RBFOX1: variants seen among roughly 807,000 people sequenced by gnomAD.
RBFOX1 encodes the protein RNA binding fox-1 homolog 1.
Under a neutral mutation model 57.7 loss-of-function variants are expected in RBFOX1, and 8 were observed. The observed-to-expected ratio is 0.14, with a 90% CI of 0.08 to 0.25. RBFOX1 has a LOEUF of 0.25. Among genes scored for constraint, RBFOX1 ranks in the 10% least tolerant of loss-of-function variants. The pLI, the probability that RBFOX1 is intolerant of heterozygous loss-of-function variation, is 1.00. For synonymous variants in RBFOX1, 326 were observed against 222.4 expected (o/e 1.47, Z -4.15); for missense variants, 611 against 548.5 (o/e 1.11, Z -1.14).
chr16:6,867,314 G>A, intron 3 of RBFOX1, among the ~76,000 whole-genome samples: 1 of 151,928 alleles, frequency 6.6e-6, no homozygotes, highest in Non-Finnish European at 1.5e-5. Flanking sequence ...GATCATTATT[G>A]GCTCTGATGA....
At chr16:6,286,735 G>C (rs1166228583) in intron 1 of RBFOX1, among the ~76,000 whole-genome samples, 1 of 152,086 alleles carries the variant, frequency 6.6e-6, no homozygotes, top group African/African-American at 2.4e-5. Context: ...TACTGCACAG[G>C]CTCACCTGGG....
At chr16:7,311,324 G>A (rs1201187199) in intron 4 of RBFOX1, among the ~76,000 whole-genome samples, 1 of 152,058 alleles carries the variant, frequency 6.6e-6, no homozygotes, top group East Asian at 1.9e-4. Context: ...GCATTCAGAA[G>A]GTTAGTGTGT....
chr16:5,876,993 G>A (rs746482918), intron 4 of RBFOX1, among the ~76,000 whole-genome samples: 2 of 152,218 alleles, frequency 1.3e-5, no homozygotes, highest in Admixed American at 6.5e-5. Flanking sequence ...CTAGAACGTG[G>A]TGAGTTAAAT....
chr16:7,439,067 G>A (rs1567172333), intron 4 of RBFOX1, among the ~76,000 whole-genome samples: 1 of 152,200 alleles, frequency 6.6e-6, no homozygotes, highest in Non-Finnish European at 1.5e-5. Context: ...CCAACGCAGA[G>A]TCTCTCTGTG....
chr16:6,427,281 A>G (rs1047985816), intron 2 of RBFOX1, among the ~76,000 whole-genome samples: 3 of 152,198 alleles, frequency 2.0e-5, no homozygotes, highest in African/African-American at 7.2e-5. Context: ...AAAGCCGTCC[A>G]GAGTATTTCT....
intron 4 of RBFOX1, among the ~76,000 whole-genome samples, chr16:7,485,257 C>G (rs945245535): frequency 5.3e-5 from 8 of 152,168 alleles, no homozygotes; most frequent in Non-Finnish European, 7.3e-5. Flanking sequence ...CACAGCTGCA[C>G]CCTCGCGTGT....
intron 2 of RBFOX1, among the ~76,000 whole-genome samples, chr16:6,477,088 G>T (rs1455679614): frequency 6.6e-6 from 1 of 152,114 alleles, no homozygotes; most frequent in African/African-American, 2.4e-5. Context: ...CACATTTCCA[G>T]GTTCTTCCTC....
intron 3 of RBFOX1, among the ~76,000 whole-genome samples, chr16:7,001,386 G>C (rs184685706): frequency 1.6e-5 from 2 of 121,512 alleles, no homozygotes; most frequent in Non-Finnish European, 3.2e-5. Flanking sequence ...GTATGTGTAT[G>C]TGTATGTGTA....
At chr16:7,400,548 T>C (rs1359577294) in intron 4 of RBFOX1, among the ~76,000 whole-genome samples, 1 of 152,190 alleles carries the variant, frequency 6.6e-6, no homozygotes, top group Non-Finnish European at 1.5e-5. Flanking sequence ...CCTTTCCGGA[T>C]TCTTCAAGAA....
At chr16:6,470,084 A>G (rs1159776034) in intron 2 of RBFOX1, among the ~76,000 whole-genome samples, 3 of 152,218 alleles carry the variant, frequency 2.0e-5, no homozygotes, top group South Asian at 2.1e-4. Flanking sequence ...TTCTTTAACC[A>G]GAATGCTTTG....
At chr16:6,459,309 C>T (rs1458994759) in intron 2 of RBFOX1, among the ~76,000 whole-genome samples, 1 of 152,196 alleles carries the variant, frequency 6.6e-6, no homozygotes, top group Non-Finnish European at 1.5e-5. Flanking sequence ...GCACTCCAGC[C>T]TGGGCGACAG....
chr16:6,410,502 G>A (rs1027516593), intron 2 of RBFOX1, among the ~76,000 whole-genome samples: 2 of 151,700 alleles, frequency 1.3e-5, no homozygotes, highest in Non-Finnish European at 2.9e-5. Flanking sequence ...TAGTAGAGAC[G>A]GGGTTTCACC....
At chr16:6,476,323 C>G (rs2095271357) in intron 2 of RBFOX1, among the ~76,000 whole-genome samples, 1 of 152,130 alleles carries the variant, frequency 6.6e-6, no homozygotes, top group Non-Finnish European at 1.5e-5. Context: ...AAATACACAT[C>G]TTGTACACTT....
At chr16:5,444,101 C>G (rs2068169495) in intron 1 of RBFOX1, among the ~76,000 whole-genome samples, 1 of 47,364 alleles carries the variant, frequency 2.1e-5, no homozygotes, top group African/African-American at 1.5e-4. Flanking sequence ...AAAGGTGACA[C>G]TGAGGCATTT....
At chr16:6,648,124 T>A (rs2098548832) in intron 2 of RBFOX1, among the ~76,000 whole-genome samples, 2 of 152,164 alleles carry the variant, frequency 1.3e-5, no homozygotes, top group African/African-American at 4.8e-5. Context: ...ATTACAGGCA[T>A]GAGCCACTGC....
intron 2 of RBFOX1, among the ~76,000 whole-genome samples, chr16:6,515,650 A>T (rs1428387310): frequency 6.6e-6 from 1 of 152,174 alleles, no homozygotes; most frequent in African/African-American, 2.4e-5. Context: ...TTAAGTCTAA[A>T]TAATCTCTTT....
At chr16:6,244,505 T>C (rs967433047) in intron 1 of RBFOX1, among the ~76,000 whole-genome samples, 1 of 152,294 alleles carries the variant, frequency 6.6e-6, no homozygotes, top group East Asian at 1.9e-4. Context: ...TGTAACTTCA[T>C]ACTTTTTTGT....
chr16:5,799,411 G>A (rs559676313), intron 3 of RBFOX1, among the ~76,000 whole-genome samples: 2 of 152,080 alleles, frequency 1.3e-5, no homozygotes, highest in Non-Finnish European at 2.9e-5. Context: ...ACTGAAAAAA[G>A]TCGAACAATA....
Position 6,880,381 on chromosome 16 carries a change from C to T in RBFOX1, c.-15-171676C>T, listed in dbSNP as rs185140356. ...AGTATTATACTTTCCACTTCAGTCACTGCAACCCACCGCCCTGTTGCAGGA... is the reference window on the plus strand; with the variant it reads ...AGTATTATACTTTCCACTTCAGTCATTGCAACCCACCGCCCTGTTGCAGGA... On this transcript the variant is annotated intron_variant, in intron 3 of 15. Transcript: ENST00000550418. Among the ~76,000 whole-genome samples the T allele has an allele frequency of 2.2e-4, 34 of 152,302 alleles. No homozygotes were observed. In the East Asian group the frequency reaches 4.6e-3, roughly 21 times the overall value.
Sources: gnomAD v4.1 joint callset for allele counts (sites outside exome capture counted in the v4.1 genomes callset) on GRCh38, gnomAD v4.1.1 for gene constraint, MANE v1.5 for transcripts, NCBI Gene and HGNC (gene_info 2026-07-23, HGNC 2026-07-21) for gene names.